Variants in ZC3HAV1 observed in about 807,000 individuals in gnomAD.
ZC3HAV1 encodes the protein zinc finger CCCH-type antiviral protein 1.
Under a neutral mutation model 86.6 loss-of-function variants are expected in ZC3HAV1, and 41 were observed. The ratio of observed to expected loss-of-function variants is 0.47; its 90% CI spans 0.37 to 0.61. The LOEUF is 0.61. ZC3HAV1 is among the 20% of genes least tolerant of loss of function. The pLI is 0.00. For missense variants in ZC3HAV1, 964 were observed against 1,141.1 expected (o/e 0.84, Z 2.24); for synonymous variants, 421 against 432.1 (o/e 0.97, Z 0.32).
intron 1 of ZC3HAV1, among the ~76,000 whole-genome samples, chr7:139,090,943 A>T (rs1817411173): frequency 6.6e-6 from 1 of 152,142 alleles, no homozygotes; most frequent in Non-Finnish European, 1.5e-5. Flanking sequence ...GGAGAAGTCA[A>T]GGCCAGTCAC....
chr7:139,056,809 C>T (rs1816299448), intron 9 of ZC3HAV1, among the ~76,000 whole-genome samples: 1 of 152,162 alleles, frequency 6.6e-6, no homozygotes, highest in African/African-American at 2.4e-5. Flanking sequence ...ACACAATGTA[C>T]AGACCCTGCT....
intron 7 of ZC3HAV1, among the ~76,000 whole-genome samples, chr7:139,070,086 C>G (rs1252921597): frequency 1.4e-5 from 2 of 140,540 alleles, no homozygotes; most frequent in Non-Finnish European, 3.0e-5. Flanking sequence ...AACCCAGGGC[C>G]TGATTTTTCC....
intron 3 of ZC3HAV1, 91 bp from the exon 4 acceptor site, chr7:139,080,334 T>C (rs1301189070): frequency 6.7e-7 from 1 of 1,483,656 alleles, no homozygotes; most frequent in Non-Finnish European, 9.2e-7. Context: ...TCTTCACTTT[T>C]GTAGCTTTGC....
chr7:139,090,503 A>AT (rs1316265213), intron 1 of ZC3HAV1, among the ~76,000 whole-genome samples: 2 of 152,220 alleles, frequency 1.3e-5, no homozygotes, highest in East Asian at 3.9e-4. Flanking sequence ...GATATTAAGT[A>AT]TATCATGTTA....
intron 12 of ZC3HAV1, among the ~76,000 whole-genome samples, chr7:139,051,007 C>G (rs1407886558): frequency 2.0e-5 from 3 of 152,154 alleles, no homozygotes; most frequent in Admixed American, 6.5e-5. Flanking sequence ...TACTCTATCT[C>G]TATCCTTGGG....
chr7:139,100,700 AC>A (rs373837269), intron 1 of ZC3HAV1, among the ~76,000 whole-genome samples: 253 of 152,294 alleles, frequency 1.7e-3, no homozygotes, highest in African/African-American at 5.8e-3. Flanking sequence ...CTTGGCAAAC[AC>A]ACTTCGGAAA....
chr7:139,065,049 T>G (rs772801773), intron 7 of ZC3HAV1, 50 bp from the exon 8 acceptor site: 1 of 1,609,746 alleles, frequency 6.2e-7, no homozygotes, highest in South Asian at 1.1e-5. Flanking sequence ...TTTTAGGAAA[T>G]CTCTACTGTT....
In ZC3HAV1 at chr7:139,109,051, C is replaced by A; in HGVS notation, c.281G>T (p.Gly94Val). 1 of 1,581,764 alleles carries A rather than the reference C, an allele frequency of 6.3e-7. No individual in the cohort carries two copies. Among genetic ancestry groups the A allele is most frequent in the Non-Finnish European group, 8.6e-7 (1 of 1,161,024 alleles). The change falls in exon 1 of 13, where the codon GGC becomes GTC. Residue 94 changes from glycine (G) to valine (V), a missense_variant. By Grantham distance (109) the Gly-to-Val change is moderately radical. Transcript: ENST00000242351. ...CTCGGACTGCGAATAGTTGCACCGG[C>A]CCAGCAAGTTGAGTTTGCAGAGATG... is the stretch of plus-strand genomic sequence containing the variant. ...NLHLCKLNLL[G>V]RCNYSQSERN...
chr7:139,095,937 C>A (rs1817573394), intron 1 of ZC3HAV1, among the ~76,000 whole-genome samples: 2 of 152,140 alleles, frequency 1.3e-5, no homozygotes, highest in African/African-American at 2.4e-5. Flanking sequence ...AGAAACATTG[C>A]CCTAGGTCCA....
chr7:139,057,143 G>C (rs966342696), intron 9 of ZC3HAV1, among the ~76,000 whole-genome samples: 2 of 152,020 alleles, frequency 1.3e-5, no homozygotes, highest in African/African-American at 2.4e-5. Flanking sequence ...GAGCTCTGGA[G>C]TTTAAGACCT....
At chr7:139,097,410 A>ATTTT (rs1563140546) in intron 1 of ZC3HAV1, among the ~76,000 whole-genome samples, 2 of 73,178 alleles carry the variant, frequency 2.7e-5, no homozygotes, top group Non-Finnish European at 2.4e-5. Flanking sequence ...CCATATATAT[A>ATTTT]TATATATATA....
rs369145921 is a variant in ZC3HAV1 at position 139,079,969 on chromosome 7, G to A, written c.972C>T (p.Ala324=). 3.7e-5 allele frequency: 59 copies of A among 1,614,002 alleles called. No homozygotes were observed. The African/African-American group carries it at 5.3e-4, about 15-fold the overall frequency. ...KATDLGGTSQ[A]GTSQRFLENG... ...TCTCTAAAAACCTCTGGCTTGTCCC[G>A]GCCTGACTTGTTCCTCCAAGATCAG... Residue 324 remains alanine (A), a synonymous_variant, in exon 4 of 13, where the codon GCC becomes GCT. Coordinates refer to ENST00000242351, the MANE Select transcript of ZC3HAV1 (RefSeq NM_020119.4).
Position 139,047,399 on chromosome 7 carries a change from G to T in ZC3HAV1, c.*195C>A. ...CCAGAAATGATTTCATTGGCATGGG[G>T]TGCAACCTGGGCATCAGAATTTGTT... On this transcript the variant is annotated 3_prime_UTR_variant, in exon 13 of 13. Transcript: ENST00000242351. 1 of 635,520 alleles carries T rather than the reference G, an allele frequency of 1.6e-6. No individual in the cohort carries two copies. The highest frequency in any genetic ancestry group is 2.0e-5 in the South Asian group (1 of 49,852). 39.4% of individuals were successfully genotyped at this position (635,520 alleles called of 1,614,324 possible). A position where few individuals can be genotyped will look rare whatever the true frequency, so the allele number is the denominator to read the frequency against.
intron 10 of ZC3HAV1, among the ~76,000 whole-genome samples, 182 bp downstream of exon 10, chr7:139,055,023 C>G (rs1298024800): frequency 6.6e-6 from 1 of 152,170 alleles, no homozygotes; most frequent in East Asian, 1.9e-4. Flanking sequence ...CTCCTGAGCT[C>G]AGGCAATCCA....
rs150148096 is a variant in ZC3HAV1 at position 139,074,008 on chromosome 7, T to C, written c.1720A>G (p.Ile574Val). 3,293 of 1,612,970 alleles carry C rather than the reference T, an allele frequency of 2.0e-3. 46 individuals are homozygous for C. The highest frequency in any genetic ancestry group is 0.013 in the East Asian group (582 of 44,816). Residue 574 changes from isoleucine (I) to valine (V), a missense_variant, in exon 7 of 13, where the codon ATC becomes GTC. By Grantham distance (29) the Ile-to-Val change is conservative. Transcript: ENST00000242351. Reference protein sequence around the residue: ...IHLCSVGSYTINFRVMSCDSF... With the variant: ...IHLCSVGSYTVNFRVMSCDSF... ...TCACAACTCATTACCCGAAAATTGA[T>C]TGTATAACTTCCTACAGAACAGCTG...
rs1817202949 is a variant in ZC3HAV1, at chr7:139,083,911, C to T, written c.566G>A (p.Arg189Gln). The change falls in exon 3 of 13, where the codon CGG becomes CAG. Residue 189 changes from arginine (R) to glutamine (Q), a missense_variant. Transcript: ENST00000242351. ...RGNCRFPNCL[R>Q]SHNLMDRKVL... ...CTTTCTGTCCATCAGGTTATGGGAC[C>T]GGAGGCAGTTGGGAAAACGACAGTT... is the stretch of plus-strand genomic sequence containing the variant. The T allele has an allele frequency of 3.7e-6, 6 of 1,613,850 alleles. No individual in the cohort carries two copies. Among genetic ancestry groups the T allele is most frequent in the South Asian group, 1.1e-5 (1 of 91,076 alleles).
intron 1 of ZC3HAV1, among the ~76,000 whole-genome samples, chr7:139,105,032 C>CAAA (rs34053904): frequency 3.7e-4 from 27 of 72,786 alleles, no homozygotes; most frequent in Non-Finnish European, 4.7e-4. Flanking sequence ...GACTCTGTCT[C>CAAA]AAAAAAAAAA....
intron 1 of ZC3HAV1, among the ~76,000 whole-genome samples, chr7:139,101,454 C>G (rs1368601883): frequency 8.7e-6 from 1 of 114,286 alleles, no homozygotes; most frequent in Non-Finnish European, 1.8e-5. Context: ...TCTGCCCTGC[C>G]GCCCCGTCTG....
Position 139,109,455 on chromosome 7 carries a change from A to G in ZC3HAV1, c.-124T>C. 2 of 1,241,110 alleles carry G rather than the reference A, an allele frequency of 1.6e-6. No individual in the cohort carries two copies. The highest frequency in any genetic ancestry group is 2.9e-5 in the Admixed American group (1 of 34,008). 76.9% of individuals were successfully genotyped at this position (1,241,110 alleles called of 1,614,324 possible). Reference sequence around the variant, plus strand: ...GCTACTGCTGGGCGCGCCCGGAGTCAGCGAGGGCGCGCTCTCCGTCGCCGT... The same window carrying G: ...GCTACTGCTGGGCGCGCCCGGAGTCGGCGAGGGCGCGCTCTCCGTCGCCGT... On this transcript the variant is annotated 5_prime_UTR_variant, in exon 1 of 13. Transcript: ENST00000242351.
Sources: gnomAD v4.1 joint callset for allele counts (sites outside exome capture counted in the v4.1 genomes callset) on GRCh38, gnomAD v4.1.1 for gene constraint, MANE v1.5 for transcripts, NCBI Gene and HGNC (gene_info 2026-07-23, HGNC 2026-07-21) for gene names.